ANKRD11: variants seen among roughly 807,000 people sequenced by gnomAD.
ANKRD11 encodes the protein ankyrin repeat domain 11, also known as ankyrin repeat domain-containing protein 11.
ANKRD11 carries 17 observed loss-of-function variants against 195.7 expected under a neutral mutation model. That is an observed-to-expected ratio of 0.09 (90% CI 0.06 to 0.13). The LOEUF (loss-of-function observed/expected upper bound fraction) is 0.13, where lower values mean the gene tolerates loss of function less well. ANKRD11 is among the 10% of genes least tolerant of loss of function. The pLI is 1.00. For synonymous variants in ANKRD11, 1,953 were observed against 1,528.1 expected, an observed-to-expected ratio of 1.28 and a Z score of -6.49; for missense variants, 3,735 against 3,566.1, an observed-to-expected ratio of 1.05 and a Z score of -1.21.
At chr16:89,278,959 A>G (rs2033914418) in intron 9 of ANKRD11, 113 bp downstream of exon 9, 1 of 1,500,260 alleles carries the variant, frequency 6.7e-7, no homozygotes, top group South Asian at 1.2e-5. Flanking sequence ...CAGAAGGTCG[A>G]GAGAGGTCAA....
At chr16:89,478,172 T>G (rs918504448) in intron 1 of ANKRD11, among the ~76,000 whole-genome samples, 2 of 152,146 alleles carry the variant, frequency 1.3e-5, no homozygotes, top group African/African-American at 4.8e-5. Flanking sequence ...ACAGTGACAG[T>G]GGCCCAGCTG....
intron 2 of ANKRD11, among the ~76,000 whole-genome samples, chr16:89,337,291 C>A (rs1457980920): frequency 6.6e-6 from 1 of 151,942 alleles, no homozygotes; most frequent in Admixed American, 6.6e-5. Flanking sequence ...AAGGAGAGGA[C>A]TTCAGGTGGC....
intron 11 of ANKRD11, chr16:89,271,889 C>A (rs778093189): frequency 2.0e-5 from 3 of 152,070 alleles, no homozygotes; most frequent in African/African-American, 4.8e-5. Flanking sequence ...CAAAAATGGA[C>A]AAATGGGATC....
At chr16:89,339,786 T>C (rs765468330) in intron 2 of ANKRD11, 1 of 152,246 alleles carries the variant, frequency 6.6e-6, no homozygotes, top group Admixed American at 6.5e-5. Flanking sequence ...AAGCCCCTTA[T>C]ATAAGCCCCA....
intron 2 of ANKRD11, among the ~76,000 whole-genome samples, chr16:89,359,899 T>C (rs1165407919): frequency 1.3e-5 from 2 of 152,130 alleles, no homozygotes; most frequent in Admixed American, 1.3e-4. Context: ...AGTTTATATG[T>C]TTTTTAACTT....
chr16:89,431,709 G>C (rs550492894), intron 1 of ANKRD11, among the ~76,000 whole-genome samples: 1 of 152,038 alleles, frequency 6.6e-6, no homozygotes, highest in Non-Finnish European at 1.5e-5. Flanking sequence ...TGGCTTTAAC[G>C]ACGTGCTGCT....
Position 89,281,246 on chromosome 16 carries a change from C to A in ANKRD11, c.5296G>T (p.Val1766Leu), listed in dbSNP as rs751326964. The A allele has an allele frequency of 6.2e-7, 1 of 1,614,166 alleles. No homozygotes were observed. Among genetic ancestry groups the A allele is most frequent in the Admixed American group, 1.7e-5 (1 of 60,014 alleles). ...TTTTCCGAAAGCCCACTTGAAGCCA[C>A]GGAGAACCTGTCGAAAAAGGAGGGG... ...CSPSFFDRFS[V>L]ASSGLSENAS... is the part of the protein sequence containing the mutation. Residue 1766 changes from valine to leucine, a missense_variant, in exon 9 of 13, where the codon GTG becomes TTG. Coordinates refer to ENST00000301030, the MANE Select transcript of ANKRD11 (RefSeq NM_013275.6). This position sits in a 1 kb window ranked among gnomAD's most constrained non-coding sequence, Gnocchi z 5.5.
At chr16:89,414,002 C>A (rs752932021) in intron 2 of ANKRD11, among the ~76,000 whole-genome samples, 1 of 152,138 alleles carries the variant, frequency 6.6e-6, no homozygotes, top group African/African-American at 2.4e-5. Context: ...GCTGAGCTGA[C>A]TTCCAGCCCA....
intron 2 of ANKRD11, among the ~76,000 whole-genome samples, chr16:89,339,032 T>A (rs574382466): frequency 6.6e-6 from 1 of 152,190 alleles, no homozygotes; most frequent in East Asian, 1.9e-4. Flanking sequence ...GATGAGTCCA[T>A]CTGCTCGTGA....
chr16:89,275,255 C>T lies in ANKRD11; in HGVS notation c.7471-64G>A, dbSNP rs1282440057. On this transcript the variant is annotated intron_variant, in intron 9 of 12. Transcript: ENST00000301030. ...TGTGGAACTGCACGAAGGATATAGT[C>T]TGGAGTTCACGGGGGTCCCGACTCA... 2.8e-6 allele frequency: 4 copies of T among 1,431,102 alleles called. No individual in the cohort carries two copies. In the South Asian group the frequency reaches 4.9e-5, roughly 18 times the overall value. The allele number at this position is 1,431,102 out of a possible 1,614,324, so 88.7% of individuals were successfully genotyped here. A position where few individuals can be genotyped will look rare whatever the true frequency, so the allele number is the denominator to read the frequency against.
chr16:89,316,861 G>C, intron 3 of ANKRD11, 72 bp downstream of exon 3: 1 of 1,547,516 alleles, frequency 6.5e-7, no homozygotes, highest in Admixed American at 1.8e-5. Context: ...CCACAGGCGG[G>C]CAGCACCCCA....
intron 9 of ANKRD11, 116 bp from the exon 10 acceptor site, chr16:89,275,307 T>C (rs2033556554): frequency 2.4e-6 from 2 of 825,136 alleles, no homozygotes; most frequent in South Asian, 3.3e-5. Context: ...GAGCCTGCCC[T>C]GGAGGCCTCC....
intron 1 of ANKRD11, among the ~76,000 whole-genome samples, chr16:89,434,335 C>G (rs1048803556): frequency 2.6e-5 from 4 of 152,196 alleles, no homozygotes; most frequent in African/African-American, 9.6e-5. Flanking sequence ...CCCAGTCATA[C>G]AGTTGTCGAA....
intron 2 of ANKRD11, among the ~76,000 whole-genome samples, chr16:89,386,989 C>T (rs1345066497): frequency 6.6e-6 from 1 of 151,966 alleles, no homozygotes; most frequent in Non-Finnish European, 1.5e-5. Flanking sequence ...CCCTGGGAGC[C>T]CTGTATCGAC....
rs747829775 is a variant in ANKRD11 at position 89,291,196 on chromosome 16, C to A, written c.227-13G>T. ...GGGCCCTGCTTCTCTGTGAGGCGGGCGAGGGAGAGAGGGAGGAGAGATTTC... is the reference window on the plus strand; with the variant it reads ...GGGCCCTGCTTCTCTGTGAGGCGGGAGAGGGAGAGAGGGAGGAGAGATTTC... On this transcript the variant is annotated splice_polypyrimidine_tract_variant and intron_variant, in intron 4 of 12. Transcript: ENST00000301030. This position sits in a 1 kb window ranked among gnomAD's most constrained non-coding sequence, Gnocchi z 5.3. 3.1e-6 allele frequency: 5 copies of A among 1,612,522 alleles called. No homozygotes were observed. Among genetic ancestry groups the A allele is most frequent in the African/African-American group, 2.7e-5 (2 of 74,898 alleles).
At chr16:89,304,201 G>A (rs2036020172) in intron 4 of ANKRD11, among the ~76,000 whole-genome samples, 1 of 152,216 alleles carries the variant, frequency 6.6e-6, no homozygotes, top group Admixed American at 6.5e-5. Flanking sequence ...AATCCACTGG[G>A]AAGGTGTCAC....
chr16:89,333,566 C>T (rs2038179185), intron 2 of ANKRD11, among the ~76,000 whole-genome samples: 1 of 152,220 alleles, frequency 6.6e-6, no homozygotes. Flanking sequence ...GATCTTTGTG[C>T]TGTCTGCACA....
rs1304326484 is a variant in ANKRD11 at position 89,279,649 on chromosome 16, C to T, written c.6893G>A (p.Arg2298His). The T allele has an allele frequency of 2.1e-6, 3 of 1,440,598 alleles. No homozygotes were observed. Among genetic ancestry groups the T allele is most frequent in the South Asian group, 1.5e-5 (1 of 68,146 alleles). The allele number at this position is 1,440,598 out of a possible 1,614,324, so 89.2% of individuals were successfully genotyped here. ...AGGGCCTTCGGCTGGGGCGGCGGCA[C>T]GGGAGGCCTCAGTGTCGTCCTCGGG... ...AGPEDDTEAS[R>H]AAAPAEGPPG... The change falls in exon 9 of 13, where the codon CGT becomes CAT. Residue 2298 changes from arginine (R) to histidine (H), a missense_variant. Coordinates refer to ENST00000301030, the MANE Select transcript of ANKRD11 (RefSeq NM_013275.6). The surrounding 1 kb of genome is among the most constrained non-coding windows in gnomAD (Gnocchi z 5.6).
At chr16:89,474,556 C>T (rs537688396) in intron 1 of ANKRD11, among the ~76,000 whole-genome samples, 1 of 152,166 alleles carries the variant, frequency 6.6e-6, no homozygotes, top group Admixed American at 6.5e-5. Context: ...CTTCCATGCA[C>T]AAATAATGAC....
Sources: allele counts gnomAD v4.1 joint callset (sites outside exome capture counted in the v4.1 genomes callset), GRCh38; gene constraint gnomAD v4.1.1; non-coding constraint Gnocchi (gnomAD v3.1); transcripts MANE v1.5; gene names NCBI Gene and HGNC (gene_info 2026-07-23, HGNC 2026-07-21).